SLC49A3: variants seen among roughly 807,000 people sequenced by gnomAD.
SLC49A3 encodes solute carrier family 49 member A3.
Under a neutral mutation model 43.8 loss-of-function variants are expected in SLC49A3, and 50 were observed. The observed-to-expected ratio is 1.14, with a 90% CI of 0.91 to 1.45. SLC49A3 has a LOEUF of 1.45. SLC49A3 is among the 40% of genes most tolerant of loss of function. The probability of loss-of-function intolerance (pLI) is 0.00; values close to 1 mark genes in which losing one functional copy is unlikely to be tolerated. For synonymous variants in SLC49A3, 413 were observed against 352.0 expected, an observed-to-expected ratio of 1.17 and a Z score of -1.94; for missense variants, 906 against 774.1, an observed-to-expected ratio of 1.17 and a Z score of -2.02.
chr4:685,188 G>C lies in SLC49A3; in HGVS notation c.586-332C>G. On this transcript the variant is annotated intron_variant, in intron 4 of 9. Transcript: ENST00000322224. This position sits in a 1 kb window ranked among gnomAD's most constrained non-coding sequence, Gnocchi z 4.3. ...ACACACAGACACAGGTGGGTGCAGA[G>C]GCACACGTGCATACAGACTCACGCT... 1 of 427,972 alleles carries C rather than the reference G, an allele frequency of 2.3e-6. No individual in the cohort carries two copies. Among genetic ancestry groups the C allele is most frequent in the Non-Finnish European group, 4.2e-6 (1 of 236,650 alleles). 26.5% of individuals were successfully genotyped at this position (427,972 alleles called of 1,614,324 possible).
At chr4:678,130 C>G, downstream of SLC49A3, 1 of 1,563,818 alleles carries the variant, frequency 6.4e-7, no homozygotes, top group African/African-American at 1.4e-5. Flanking sequence ...TCCGTGCTTG[C>G]GTGTGAATGC....
chr4:687,108 C>T (rs911165023), intron 1 of SLC49A3, among the ~76,000 whole-genome samples: 2 of 152,244 alleles, frequency 1.3e-5, no homozygotes, highest in Admixed American at 6.5e-5. Flanking sequence ...GGTGTTTGGG[C>T]AGAATGTTGC....
rs1198680431 is a variant in SLC49A3, at chr4:681,841, C to T, written c.*117G>A. 5 of 1,296,332 alleles carry T rather than the reference C, an allele frequency of 3.9e-6. No homozygotes were observed. The highest frequency in any genetic ancestry group is 2.9e-5 in the East Asian group (1 of 34,896). 80.3% of individuals were successfully genotyped at this position (1,296,332 alleles called of 1,614,324 possible). On this transcript the variant is annotated 3_prime_UTR_variant, in exon 10 of 10. Transcript: ENST00000322224. ...CACCCGGGGCCGCTGCAGGTGCGCG[C>T]TTGTAATTCGCTCCCGGAGCCCGCA...
At position 686,242 on chromosome 4, in the gene SLC49A3, C is replaced by T; in HGVS notation, c.355G>A (p.Val119Ile). The change falls in exon 3 of 10, where the codon GTT becomes ATT. Residue 119 changes from valine to isoleucine, a missense_variant. By Grantham distance (29) the Val-to-Ile change is conservative. Coordinates refer to ENST00000322224, the MANE Select transcript of SLC49A3 (RefSeq NM_032219.4). ...GCAAATGGGTTTTGGGTCCCAACAA[C>T]CATGCAGGGCACCATGCGTAGCACA... ...GSVLRMVPCM[V>I]VGTQNPFAFL... 1 of 1,613,606 alleles carries T rather than the reference C, an allele frequency of 6.2e-7. No individual in the cohort carries two copies. Among genetic ancestry groups the T allele is most frequent in the Non-Finnish European group, 8.5e-7 (1 of 1,180,026 alleles).
intron 9 of SLC49A3, 56 bp downstream of exon 9, chr4:682,725 T>C: frequency 7.2e-7 from 1 of 1,382,060 alleles, no homozygotes; most frequent in Non-Finnish European, 9.8e-7. Flanking sequence ...TCCCAGGGAA[T>C]CTTCACATGG....
At chr4:690,855 C>A (rs986686371), upstream of SLC49A3, among the ~76,000 whole-genome samples, 5 of 152,260 alleles carry the variant, frequency 3.3e-5, no homozygotes, top group Admixed American at 3.3e-4. Flanking sequence ...AAGATCAGCA[C>A]ACAACAATCG....
downstream of SLC49A3, chr4:678,170 G>C (rs1739044055): frequency 6.5e-7 from 1 of 1,541,466 alleles, no homozygotes; most frequent in Non-Finnish European, 8.8e-7. Context: ...GCCTGCATAT[G>C]TGTGTGCATG....
At position 682,845 on chromosome 4, in the gene SLC49A3, A is replaced by C. The variant is rs1414087068; in HGVS notation, c.1197T>G (p.Thr399=). Residue 399 remains threonine (T), a synonymous_variant, in exon 9 of 10, where the codon ACT becomes ACG. Coordinates refer to ENST00000322224, the MANE Select transcript of SLC49A3 (RefSeq NM_032219.4). ...ACAAGGACGGCTCCGAGCGTCGCAC[A>C]GTCAGTGCCGTCATTGCCAGCATGA... ...ILIMLAMTAL[T]VRRSEPSLST... 1.3e-5 allele frequency: 21 copies of C among 1,605,546 alleles called. No homozygotes were observed. The East Asian group carries it at 4.7e-4, about 36-fold the overall frequency.
chr4:689,032 G>A lies in SLC49A3; in HGVS notation c.96C>T (p.Phe32=). Residue 32 remains phenylalanine (F), a synonymous_variant, in exon 1 of 10, where the codon TTC becomes TTT. Transcript: ENST00000322224. ...GHRTYARRWV[F]LLAISLLNCS... ...AGTTGAGCAGGCTGATCGCGAGCAG[G>A]AACACCCAGCGGCGCGCGTAGGTGC... 1 of 1,593,138 alleles carries A rather than the reference G, an allele frequency of 6.3e-7. No individual in the cohort carries two copies. The highest frequency in any genetic ancestry group is 1.7e-5 in the Admixed American group (1 of 58,938).
At chr4:678,311 C>T, downstream of SLC49A3, 2 of 1,429,092 alleles carry the variant, frequency 1.4e-6, no homozygotes, top group South Asian at 1.5e-5. Flanking sequence ...TTCACAAAAT[C>T]CCGGTACCCA....
At chr4:686,430 G>C in intron 2 of SLC49A3, 102 bp downstream of exon 2, 1 of 1,563,398 alleles carries the variant, frequency 6.4e-7, no homozygotes, top group Non-Finnish European at 8.7e-7. Context: ...CCCAGCTGTT[G>C]GGACTGGTGG....
At chr4:678,510 G>T, downstream of SLC49A3, 5 of 1,445,470 alleles carry the variant, frequency 3.5e-6, no homozygotes, top group Non-Finnish European at 3.6e-6. Context: ...CAGGCCTGAG[G>T]CTGGCATGCT....
chr4:683,234 G>A lies in SLC49A3; in HGVS notation c.1127C>T (p.Ala376Val). ...CCCCAGCACAAAGATCATGCCTGTG[G>A]CAGCCCCCTCCCCCACGGGGAAGGA... is the stretch of plus-strand genomic sequence containing the variant. Reference protein sequence around the residue: ...ECSFPVGEGAATGMIFVLGQA... With the variant: ...ECSFPVGEGAVTGMIFVLGQA... Residue 376 changes from alanine to valine, a missense_variant, in exon 8 of 10, where the codon GCC becomes GTC. Transcript: ENST00000322224. 1 of 1,612,832 alleles carries A rather than the reference G, an allele frequency of 6.2e-7. No individual in the cohort carries two copies. Among genetic ancestry groups the A allele is most frequent in the Non-Finnish European group, 8.5e-7 (1 of 1,179,940 alleles).
downstream of SLC49A3, chr4:678,843 G>A: frequency 6.2e-7 from 1 of 1,607,568 alleles, no homozygotes; most frequent in Admixed American, 1.7e-5. Flanking sequence ...GCTGGCTCCA[G>A]GGCCAGCAGG....
downstream of SLC49A3, chr4:679,260 G>C: frequency 1.5e-6 from 1 of 649,758 alleles, no homozygotes; most frequent in South Asian, 1.6e-5. Flanking sequence ...GCCCAAGCCT[G>C]GAAACTCAGA....
chr4:678,444 A>G (rs1274147775), downstream of SLC49A3: 1 of 1,426,822 alleles, frequency 7.0e-7, no homozygotes, highest in Non-Finnish European at 9.1e-7. Context: ...TCCCTCCCCC[A>G]GTCCCTGTGC....
chr4:689,359 C>T, upstream of SLC49A3: 1 of 311,296 alleles, frequency 3.2e-6, no homozygotes. Flanking sequence ...CCTCCTCCTT[C>T]GGCCTCAGGC....
At position 686,232 on chromosome 4, in the gene SLC49A3, G is replaced by C. The variant is rs1560174839; in HGVS notation, c.365C>G (p.Thr122Ser). 1 of 1,613,600 alleles carries C rather than the reference G, an allele frequency of 6.2e-7. No homozygotes were observed. The highest frequency in any genetic ancestry group is 1.1e-5 in the South Asian group (1 of 91,090). Residue 122 changes from threonine to serine, a missense_variant, in exon 3 of 10, where the codon ACC becomes AGC. Coordinates refer to ENST00000322224, the MANE Select transcript of SLC49A3 (RefSeq NM_032219.4). ...LRMVPCMVVG[T>S]QNPFAFLMGG... ...CATGAGGAAGGCAAATGGGTTTTGGGTCCCAACAACCATGCAGGGCACCAT... is the reference window on the plus strand; with the variant it reads ...CATGAGGAAGGCAAATGGGTTTTGGCTCCCAACAACCATGCAGGGCACCAT...
At chr4:688,394 G>C (rs1741467156) in intron 1 of SLC49A3, among the ~76,000 whole-genome samples, 1 of 152,188 alleles carries the variant, frequency 6.6e-6, no homozygotes, top group Non-Finnish European at 1.5e-5. Flanking sequence ...CCGTGACCTG[G>C]CGCCTCCCTG....
Sources: gnomAD v4.1 joint callset for allele counts (sites outside exome capture counted in the v4.1 genomes callset) on GRCh38, gnomAD v4.1.1 for gene constraint, Gnocchi (gnomAD v3.1) non-coding constraint, MANE v1.5 for transcripts, NCBI Gene and HGNC (gene_info 2026-07-23, HGNC 2026-07-21) for gene names.